The following SGCG variants were observed in gnomAD, a reference collection of about 807,000 sequenced individuals.
SGCG encodes gamma-sarcoglycan.
Under a neutral mutation model 29.3 loss-of-function variants are expected in SGCG, and 26 were observed. The ratio of observed to expected loss-of-function variants is 0.89; its 90% CI spans 0.65 to 1.23. SGCG has a LOEUF of 1.23. SGCG is among the 50% of genes most tolerant of loss of function. The pLI is 0.00. For missense variants in SGCG, 353 were observed against 356.0 expected (o/e 0.99, Z 0.07); for synonymous variants, 145 against 129.7 (o/e 1.12, Z -0.80).
At chr13:23,270,630 G>C (rs1337064303) in intron 4 of SGCG, among the ~76,000 whole-genome samples, 1 of 152,032 alleles carries the variant, frequency 6.6e-6, no homozygotes, top group Non-Finnish European at 1.5e-5. Context: ...TTTTTAAGTT[G>C]TCGTCTAACT....
chr13:23,167,921 C>T, the SGCG span, among the ~76,000 whole-genome samples: 4 of 151,988 alleles, frequency 2.6e-5, no homozygotes, highest in African/African-American at 4.8e-5. Context: ...TTAGTAGAGA[C>T]GAGGTTTCAC....
intron 5 of SGCG, among the ~76,000 whole-genome samples, chr13:23,281,432 G>A (rs576853976): frequency 1.3e-5 from 2 of 152,166 alleles, no homozygotes; most frequent in African/African-American, 4.8e-5. Context: ...GGTCTGAAAT[G>A]TGACTTGAGA....
chr13:23,212,959 G>T (rs934829560), intron 2 of SGCG, among the ~76,000 whole-genome samples: 3 of 152,110 alleles, frequency 2.0e-5, no homozygotes, highest in African/African-American at 7.2e-5. Flanking sequence ...TGCTGACAGT[G>T]TTGATGTGAT....
chr13:23,209,261 T>C (rs971524547), intron 2 of SGCG, among the ~76,000 whole-genome samples: 1 of 152,208 alleles, frequency 6.6e-6, no homozygotes, highest in Non-Finnish European at 1.5e-5. Context: ...CAGGAAACCC[T>C]GGTAGATCTA....
chr13:23,272,668 G>C (rs1880913935), intron 4 of SGCG, among the ~76,000 whole-genome samples: 1 of 152,004 alleles, frequency 6.6e-6, no homozygotes, highest in Non-Finnish European at 1.5e-5. Context: ...TCAATACTCT[G>C]GAATAATTTA....
rs149533619 is a variant in SGCG at position 23,324,653 on chromosome 13, TCCAGAGGAACTCAGA to T, written c.*113_*127del. 2,786 of 944,934 alleles carry T rather than the reference TCCAGAGGAACTCAGA, an allele frequency of 2.9e-3. 43 individuals are homozygous for T. In the African/African-American group the frequency reaches 0.038, roughly 13 times the overall value. The allele number at this position is 944,934 out of a possible 1,614,324, so 58.5% of individuals were successfully genotyped here. A position where few individuals can be genotyped will look rare whatever the true frequency, so the allele number is the denominator to read the frequency against. On this transcript the variant is annotated 3_prime_UTR_variant, in exon 8 of 8. Transcript: ENST00000218867. ...GCAGCGTGGATGGGAAGTAAACGCT[TCCAGAGGAACTCAGA>T]AAAAATTATGTGCCAGTGAAAGTGT...
At chr13:23,289,169 C>T (rs796569339) in intron 5 of SGCG, among the ~76,000 whole-genome samples, 2 of 152,166 alleles carry the variant, frequency 1.3e-5, no homozygotes, top group South Asian at 2.1e-4. Flanking sequence ...AACACATACC[C>T]AAGGGCACAG....
intron 5 of SGCG, among the ~76,000 whole-genome samples, chr13:23,284,224 C>T (rs1322177773): frequency 6.6e-6 from 1 of 152,170 alleles, no homozygotes; most frequent in South Asian, 2.1e-4. Context: ...CCATTTTCCC[C>T]ATCACTTTCA....
At chr13:23,302,022 A>G (rs565799684) in intron 6 of SGCG, among the ~76,000 whole-genome samples, 11 of 152,276 alleles carry the variant, frequency 7.2e-5, no homozygotes, top group Non-Finnish European at 1.2e-4. Flanking sequence ...AAATAAAATT[A>G]TTTTCATTAC....
At chr13:23,298,785 T>C (rs1183596649) in intron 6 of SGCG, among the ~76,000 whole-genome samples, 6 of 152,212 alleles carry the variant, frequency 3.9e-5, no homozygotes, top group Non-Finnish European at 8.8e-5. Flanking sequence ...ATTCATCTCA[T>C]GTTATCCCAT....
In SGCG at chr13:23,236,444, G is replaced by A. The variant is rs542614419; in HGVS notation, c.297+1732G>A. The stretch of plus-strand genomic sequence containing the variant: ...TGTAATCCCAGCACTTTGGGAGGCC[G>A]AGGCGGGCAGATCACAAGGTCAGGA... On this transcript the variant is annotated intron_variant, in intron 3 of 7. Transcript: ENST00000218867. 9.1e-3 allele frequency among the ~76,000 whole-genome samples: 1,391 copies of A among 152,278 alleles called. 24 individuals are homozygous for A. The highest frequency in any genetic ancestry group is 0.032 in the African/African-American group (1,315 of 41,550).
the SGCG span, among the ~76,000 whole-genome samples, chr13:23,160,915 A>C: frequency 3.1e-4 from 47 of 152,326 alleles, no homozygotes; most frequent in African/African-American, 1.1e-3. Context: ...TTCTTTGCCC[A>C]AAGACTTCAC....
At chr13:23,212,644 G>A (rs1878270252) in intron 2 of SGCG, among the ~76,000 whole-genome samples, 1 of 152,102 alleles carries the variant, frequency 6.6e-6, no homozygotes. Flanking sequence ...CCCCTCAAAG[G>A]CAAATTAGAC....
the SGCG span, among the ~76,000 whole-genome samples, chr13:23,168,154 C>T: frequency 1.3e-5 from 2 of 152,126 alleles, no homozygotes; most frequent in Non-Finnish European, 2.9e-5. Context: ...TATTTTCTCC[C>T]ATTCCGTGAC....
At chr13:23,165,928 C>T in the SGCG span, among the ~76,000 whole-genome samples, 2 of 152,172 alleles carry the variant, frequency 1.3e-5, no homozygotes, top group Non-Finnish European at 2.9e-5. Flanking sequence ...CTCATTAGTT[C>T]TAGCAGTTTT....
At chr13:23,173,393 A>C in the SGCG span, among the ~76,000 whole-genome samples, 1 of 152,096 alleles carries the variant, frequency 6.6e-6, no homozygotes, top group Non-Finnish European at 1.5e-5. Flanking sequence ...AATTGAAGAG[A>C]GTCCAGGAAT....
At chr13:23,257,672 G>A (rs1317976797) in intron 4 of SGCG, among the ~76,000 whole-genome samples, 2 of 152,046 alleles carry the variant, frequency 1.3e-5, no homozygotes, top group Non-Finnish European at 2.9e-5. Flanking sequence ...GGGTTTTTAT[G>A]GTTTTAGGTC....
chr13:23,179,247 T>G (rs1487229364), upstream of SGCG, among the ~76,000 whole-genome samples: 1 of 152,228 alleles, frequency 6.6e-6, no homozygotes, highest in Non-Finnish European at 1.5e-5. Flanking sequence ...AGGTCTTGCT[T>G]TAATAATTTC....
intron 5 of SGCG, among the ~76,000 whole-genome samples, chr13:23,286,263 G>C (rs928213288): frequency 6.6e-6 from 1 of 152,184 alleles, no homozygotes; most frequent in Non-Finnish European, 1.5e-5. Context: ...CAAATTGATC[G>C]TGAAATTAAA....
Sources: allele counts gnomAD v4.1 joint callset (sites outside exome capture counted in the v4.1 genomes callset), GRCh38; gene constraint gnomAD v4.1.1; transcripts MANE v1.5; gene names NCBI Gene and HGNC (gene_info 2026-07-23, HGNC 2026-07-21).